COBL: variants seen among roughly 807,000 people sequenced by gnomAD.
COBL encodes protein cordon-bleu.
In COBL, 51 loss-of-function variants were observed where a neutral mutation model predicts 98.8. The ratio of observed to expected loss-of-function variants is 0.52; its 90% CI spans 0.41 to 0.65. The LOEUF (loss-of-function observed/expected upper bound fraction) is 0.65. Among genes scored for constraint, COBL ranks in the 30% least tolerant of loss-of-function variants. The probability of loss-of-function intolerance (pLI) is 0.00; values close to 1 mark genes in which losing one functional copy is unlikely to be tolerated. For missense variants in COBL, 1,617 were observed against 1,617.5 expected (o/e 1.00, Z 0.01); for synonymous variants, 634 against 651.7 (o/e 0.97, Z 0.41).
At chr7:51,053,372 T>G (rs1394505218) in intron 7 of COBL, among the ~76,000 whole-genome samples, 1 of 152,180 alleles carries the variant, frequency 6.6e-6, no homozygotes, top group Non-Finnish European at 1.5e-5. Flanking sequence ...TGCCCTGCCC[T>G]GTGCTGCCCT....
chr7:51,184,204 A>G lies in COBL; in HGVS notation c.686-5T>C, dbSNP rs80182209. On this transcript the variant is annotated splice_polypyrimidine_tract_variant and splice_region_variant and intron_variant, in intron 4 of 12. Transcript: ENST00000265136. Reference sequence around the variant, plus strand: ...GTGATGATTTCCTAAAGGTTTCTGGAAAAAAAAAGCACTAAGTTATTTTTC... The same window carrying G: ...GTGATGATTTCCTAAAGGTTTCTGGGAAAAAAAAGCACTAAGTTATTTTTC... The G allele has an allele frequency of 3.2e-5, 45 of 1,426,556 alleles. No homozygotes were observed. The highest frequency in any genetic ancestry group is 3.9e-5 in the Non-Finnish European group (41 of 1,060,204). 88.4% of individuals were successfully genotyped at this position (1,426,556 alleles called of 1,614,324 possible). A position where few individuals can be genotyped will look rare whatever the true frequency, so the allele number is the denominator to read the frequency against.
chr7:51,288,292 G>A (rs949073200), intron 1 of COBL, among the ~76,000 whole-genome samples: 3 of 151,372 alleles, frequency 2.0e-5, no homozygotes, highest in African/African-American at 7.3e-5. Flanking sequence ...AAATTAGCCA[G>A]GCATGGTGGC....
intron 8 of COBL, chr7:51,034,347 G>A (rs1788424881): frequency 6.6e-6 from 1 of 152,252 alleles, no homozygotes; most frequent in Non-Finnish European, 1.5e-5. Context: ...ACCTTGTTTG[G>A]TGTTCCTCCT....
intron 5 of COBL, among the ~76,000 whole-genome samples, chr7:51,182,937 CT>C (rs536754606): frequency 1.0e-3 from 157 of 152,338 alleles, no homozygotes; most frequent in South Asian, 2.1e-3. Context: ...ACCTTCTGTT[CT>C]CATCTGGCTC....
intron 5 of COBL, among the ~76,000 whole-genome samples, chr7:51,138,756 C>G (rs990466920): frequency 6.6e-6 from 1 of 152,226 alleles, no homozygotes; most frequent in Non-Finnish European, 1.5e-5. Flanking sequence ...GAACTACACA[C>G]CTGTACCCAT....
intron 1 of COBL, among the ~76,000 whole-genome samples, chr7:51,259,032 A>G (rs1442147662): frequency 6.6e-6 from 1 of 152,124 alleles, no homozygotes; most frequent in Non-Finnish European, 1.5e-5. Context: ...TCATGCCTGT[A>G]ATCCCAGCAC....
In COBL at chr7:51,025,308, G is replaced by A. The variant is rs140576062; in HGVS notation, c.3569C>T (p.Ser1190Leu). 27 of 1,612,552 alleles carry A rather than the reference G, an allele frequency of 1.7e-5. No homozygotes were observed. The highest frequency in any genetic ancestry group is 1.3e-4 in the African/African-American group (10 of 74,878). ...AAGGTCTTCTAGCAGAGGACTTTCC[G>A]AGCCCTGAGCAGAGAGTGCGGCATC... Reference protein sequence around the residue: ...FRDAALSAQGSESPLLEDLGL... With the variant: ...FRDAALSAQGLESPLLEDLGL... Residue 1190 changes from serine to leucine, a missense_variant, in exon 12 of 13, where the codon TCG becomes TTG. Transcript: ENST00000265136.
intron 2 of COBL, among the ~76,000 whole-genome samples, chr7:51,197,792 T>C (rs1157039345): frequency 6.6e-6 from 1 of 152,222 alleles, no homozygotes; most frequent in Admixed American, 6.5e-5. Flanking sequence ...TTTTTTATCG[T>C]TGTTGATTTA....
chr7:51,211,815 A>G (rs1792462381), intron 2 of COBL, among the ~76,000 whole-genome samples: 1 of 152,230 alleles, frequency 6.6e-6, no homozygotes, highest in South Asian at 2.1e-4. Flanking sequence ...GGATGATCCC[A>G]TAGGATCGCC....
intron 8 of COBL, 119 bp downstream of exon 8, chr7:51,043,264 G>A: frequency 1.1e-6 from 1 of 937,652 alleles, no homozygotes; most frequent in South Asian, 1.6e-5. Flanking sequence ...ATCAGGGTCG[G>A]GGCCCCTGGT....
chr7:51,187,310 G>GTATATATA lies in COBL; in HGVS notation c.686-3119_686-3112dup, dbSNP rs67807746. ...TATATACATATATGTATATGTTTAA[G>GTATATATA]TATATATATATATATATATATACAC... On this transcript the variant is annotated intron_variant, in intron 4 of 12. Transcript: ENST00000265136. 4.5e-3 allele frequency among the ~76,000 whole-genome samples: 615 copies of GTATATATA among 138,156 alleles called. 2 individuals carry two copies. Among genetic ancestry groups the GTATATATA allele is most frequent in the Non-Finnish European group, 5.2e-3 (330 of 63,882 alleles). The allele number at this position is 138,156 out of a possible 152,430, so 90.6% of individuals were successfully genotyped here.
intron 1 of COBL, among the ~76,000 whole-genome samples, chr7:51,233,062 A>C (rs1042279809): frequency 6.6e-6 from 1 of 152,248 alleles, no homozygotes; most frequent in African/African-American, 2.4e-5. Context: ...AAATAAATAC[A>C]AACAGCCATT....
chr7:51,228,167 C>G (rs939216890), intron 1 of COBL, among the ~76,000 whole-genome samples: 1 of 152,062 alleles, frequency 6.6e-6, no homozygotes, highest in Admixed American at 6.5e-5. Context: ...CCAGCCACGA[C>G]GTGGCCACGC....
At chr7:51,074,750 A>T (rs1008287427) in intron 7 of COBL, among the ~76,000 whole-genome samples, 2 of 152,150 alleles carry the variant, frequency 1.3e-5, no homozygotes, top group Non-Finnish European at 2.9e-5. Flanking sequence ...TCTTTTCACC[A>T]TTTCTATTCA....
intron 6 of COBL, among the ~76,000 whole-genome samples, chr7:51,118,144 C>A (rs1797441285): frequency 6.6e-6 from 1 of 152,156 alleles, no homozygotes; most frequent in Non-Finnish European, 1.5e-5. Context: ...CAAATGGGCA[C>A]CACAAGTTAC....
intron 7 of COBL, chr7:51,072,802 C>A (rs1792696243): frequency 1.3e-5 from 2 of 152,182 alleles, no homozygotes; most frequent in Non-Finnish European, 2.9e-5. Context: ...AACAGGAAAA[C>A]CTCAAAAACA....
intron 1 of COBL, among the ~76,000 whole-genome samples, chr7:51,249,690 T>C (rs1796550484): frequency 6.6e-6 from 1 of 152,196 alleles, no homozygotes; most frequent in African/African-American, 2.4e-5. Flanking sequence ...ACAATTCTTC[T>C]GTTGATCAGA....
At chr7:51,062,763 G>A (rs577954715) in intron 7 of COBL, among the ~76,000 whole-genome samples, 11 of 152,324 alleles carry the variant, frequency 7.2e-5, no homozygotes, top group East Asian at 1.9e-4. Context: ...CCCAGGAGTC[G>A]TGCCTGCCAG....
intron 1 of COBL, among the ~76,000 whole-genome samples, chr7:51,275,873 C>T (rs781679646): frequency 1.3e-5 from 2 of 152,192 alleles, no homozygotes; most frequent in Admixed American, 6.5e-5. Context: ...GCCTCTCTCT[C>T]CCCTGCTTGT....
Sources: gnomAD v4.1 joint callset for allele counts (sites outside exome capture counted in the v4.1 genomes callset) on GRCh38, gnomAD v4.1.1 for gene constraint, MANE v1.5 for transcripts, NCBI Gene and HGNC (gene_info 2026-07-23, HGNC 2026-07-21) for gene names.